The following RHOU variants were observed in gnomAD, a reference collection of about 807,000 sequenced individuals.
RHOU encodes the protein rho-related GTP-binding protein RhoU.
RHOU carries 8 observed loss-of-function variants against 12.6 expected under a neutral mutation model. That is an observed-to-expected ratio of 0.64 (90% CI 0.37 to 1.15). The LOEUF (loss-of-function observed/expected upper bound fraction) is 1.15. Ranked by LOEUF, RHOU falls within the 50% of genes most tolerant of loss-of-function variation. The pLI is 0.01. For synonymous variants in RHOU, 161 were observed against 147.4 expected (o/e 1.09, Z -0.67); for missense variants, 258 against 347.0 (o/e 0.74, Z 2.04).
the RHOU span, among the ~76,000 whole-genome samples, chr1:228,684,922 C>G: frequency 6.6e-6 from 1 of 152,118 alleles, no homozygotes; most frequent in Non-Finnish European, 1.5e-5. Context: ...AGCAAGTTTA[C>G]TAGGAAAGTG....
chr1:228,672,720 C>T, the RHOU span, among the ~76,000 whole-genome samples: 1 of 152,152 alleles, frequency 6.6e-6, no homozygotes, highest in Non-Finnish European at 1.5e-5. Flanking sequence ...TTTGCCATCA[C>T]CTCAGGAAGT....
chr1:228,650,215 C>A, the RHOU span: 23 of 456,988 alleles, frequency 5.0e-5, no homozygotes, highest in Non-Finnish European at 7.5e-5. Context: ...CCATGGGGAC[C>A]CTGGCCTTGG....
At chr1:228,707,208 T>TATATATATAC in the RHOU span, among the ~76,000 whole-genome samples, 12 of 99,320 alleles carry the variant, frequency 1.2e-4, no homozygotes, top group African/African-American at 4.6e-4. Context: ...TATATATACA[T>TATATATATAC]ATATATATAC....
the RHOU span, among the ~76,000 whole-genome samples, chr1:228,704,100 A>G: frequency 6.6e-6 from 1 of 152,164 alleles, no homozygotes; most frequent in Non-Finnish European, 1.5e-5. Context: ...GCCAGACTAT[A>G]TTTTGTATCC....
chr1:228,672,740 T>C, the RHOU span, among the ~76,000 whole-genome samples: 2 of 152,222 alleles, frequency 1.3e-5, no homozygotes, highest in African/African-American at 4.8e-5. Flanking sequence ...TTTGAGTTTT[T>C]CTCCGGGGGT....
At chr1:228,712,786 T>A in the RHOU span, among the ~76,000 whole-genome samples, 1 of 150,656 alleles carries the variant, frequency 6.6e-6, no homozygotes, top group Non-Finnish European at 1.5e-5. Flanking sequence ...ATTGTGCACA[T>A]GTACCCTAAA....
At chr1:228,662,613 T>C in the RHOU span, among the ~76,000 whole-genome samples, 3 of 140,168 alleles carry the variant, frequency 2.1e-5, no homozygotes, top group Admixed American at 8.3e-5. Context: ...TTCTCACTCA[T>C]AGGTGGGAAC....
chr1:228,709,359 T>A, the RHOU span, among the ~76,000 whole-genome samples: 2 of 144,790 alleles, frequency 1.4e-5, no homozygotes, highest in African/African-American at 2.5e-5. Flanking sequence ...AATATACATT[T>A]TTTTCAGCAC....
the RHOU span, among the ~76,000 whole-genome samples, chr1:228,664,385 C>T: frequency 2.6e-5 from 4 of 152,022 alleles, no homozygotes. Context: ...TCATTTGTTC[C>T]TCAAATGAGG....
the RHOU span, among the ~76,000 whole-genome samples, chr1:228,682,279 T>C: frequency 3.0e-4 from 46 of 152,324 alleles, no homozygotes; most frequent in African/African-American, 1.1e-3. Flanking sequence ...GGTGGATCTC[T>C]TCACGGAGTG....
the RHOU span, among the ~76,000 whole-genome samples, chr1:228,677,851 A>T: frequency 6.6e-6 from 1 of 152,254 alleles, no homozygotes; most frequent in East Asian, 1.9e-4. Flanking sequence ...GGGTGATTTG[A>T]CTAATAAAGG....
chr1:228,646,852 C>T, the RHOU span, among the ~76,000 whole-genome samples: 2 of 151,652 alleles, frequency 1.3e-5, no homozygotes, highest in South Asian at 4.2e-4. Context: ...TGAAGGAGAG[C>T]AAGGAGAAGA....
At chr1:228,716,761 T>C in the RHOU span, among the ~76,000 whole-genome samples, 1,342 of 152,244 alleles carry the variant, frequency 8.8e-3, 16 homozygotes, top group African/African-American at 0.031. Flanking sequence ...TGTGTGTATA[T>C]GTATGTATAT....
chr1:228,704,143 C>CA, the RHOU span, among the ~76,000 whole-genome samples: 5 of 152,256 alleles, frequency 3.3e-5, no homozygotes, highest in Admixed American at 2.6e-4. Context: ...CAAAATAATG[C>CA]AACCTTTTGT....
At chr1:228,647,697 C>G in the RHOU span, among the ~76,000 whole-genome samples, 1 of 152,146 alleles carries the variant, frequency 6.6e-6, no homozygotes, top group East Asian at 1.9e-4. Flanking sequence ...TGATCTGAGG[C>G]GTGGTGTTTC....
At chr1:228,647,334 G>C in the RHOU span, among the ~76,000 whole-genome samples, 3 of 152,250 alleles carry the variant, frequency 2.0e-5, no homozygotes, top group African/African-American at 4.8e-5. Context: ...GAGATTTGCA[G>C]AGTGCGCCCG....
At chr1:228,736,064 A>G in intron 1 of RHOU, 60 bp downstream of exon 1, 2 of 1,522,010 alleles carry the variant, frequency 1.3e-6, no homozygotes, top group Non-Finnish European at 1.8e-6. Context: ...CAGGGGAAGG[A>G]AGGTGGCGCG....
the RHOU span, among the ~76,000 whole-genome samples, chr1:228,677,160 G>T: frequency 6.6e-6 from 1 of 152,132 alleles, no homozygotes; most frequent in East Asian, 1.9e-4. Flanking sequence ...CCCAACTGAA[G>T]AAAGGTTTTG....
In RHOU at chr1:228,735,599, C is replaced by A; in HGVS notation, c.-144C>A. The A allele has an allele frequency of 3.5e-6, 2 of 578,560 alleles. No homozygotes were observed. The highest frequency in any genetic ancestry group is 8.7e-5 in the South Asian group (1 of 11,470). 35.8% of individuals were successfully genotyped at this position (578,560 alleles called of 1,614,324 possible). On this transcript the variant is annotated 5_prime_UTR_variant, in exon 1 of 3. Coordinates refer to ENST00000366691, the MANE Select transcript of RHOU (RefSeq NM_021205.6). The surrounding 1 kb of genome is among the most constrained non-coding windows in gnomAD (Gnocchi z 8.1). ...TGGCCGCCTTTGTCTACTGGCCGTG[C>A]GGCCCGGAACCGCCACTCTCCAGGG...
Sources: allele counts gnomAD v4.1 joint callset (sites outside exome capture counted in the v4.1 genomes callset), GRCh38; gene constraint gnomAD v4.1.1; non-coding constraint Gnocchi (gnomAD v3.1); transcripts MANE v1.5; gene names NCBI Gene and HGNC (gene_info 2026-07-23, HGNC 2026-07-21).